The following ATP6V0A4 variants were observed in gnomAD, a reference collection of about 807,000 sequenced individuals.
ATP6V0A4 encodes the protein V-type proton ATPase 116 kDa subunit a 4.
In ATP6V0A4, 86 loss-of-function variants were observed where a neutral mutation model predicts 107.3. The observed-to-expected ratio is 0.80, with a 90% confidence interval of 0.67 to 0.96. The LOEUF (loss-of-function observed/expected upper bound fraction) is 0.96. ATP6V0A4 is among the 40% of genes least tolerant of loss of function. ATP6V0A4 has a pLI of 0.00. For missense variants in ATP6V0A4, 908 were observed against 1,045.6 expected (o/e 0.87, Z 1.81); for synonymous variants, 353 against 381.4 (o/e 0.93, Z 0.87).
At chr7:138,738,973 G>A in intron 15 of ATP6V0A4, among the ~76,000 whole-genome samples, 1 of 152,304 alleles carries the variant, frequency 6.6e-6, no homozygotes, top group Non-Finnish European at 1.5e-5. Flanking sequence ...GGCATGTGTT[G>A]TATCTCCTCA....
In ATP6V0A4 at chr7:138,706,633, G is replaced by C; in HGVS notation, c.2514C>G (p.Ala838=). 1 of 1,613,868 alleles carries C rather than the reference G, an allele frequency of 6.2e-7. No individual in the cohort carries two copies. The highest frequency in any genetic ancestry group is 8.5e-7 in the Non-Finnish European group (1 of 1,179,912). Residue 838 remains alanine (A), a synonymous_variant, in exon 22 of 22, where the codon GCC becomes GCG. Transcript: ENST00000310018. ...AGGTGCAGCCCTCAGCCTACTCCTCGGCTGTGCCATCCAGGATGTGTTTAA... is the reference window on the plus strand; with the variant it reads ...AGGTGCAGCCCTCAGCCTACTCCTCCGCTGTGCCATCCAGGATGTGTTTAA... The part of the protein sequence containing the change: ...FSFKHILDGT[A]EE
chr7:138,784,251 T>TAC (rs1350709766), intron 2 of ATP6V0A4, among the ~76,000 whole-genome samples: 16 of 30,752 alleles, frequency 5.2e-4, no homozygotes, highest in Non-Finnish European at 2.8e-4. Flanking sequence ...TATATATATA[T>TAC]ACATATATAT....
At chr7:138,764,254 G>A (rs1584936152) in intron 5 of ATP6V0A4, among the ~76,000 whole-genome samples, 1 of 151,612 alleles carries the variant, frequency 6.6e-6, no homozygotes, top group African/African-American at 2.4e-5. Context: ...GGGTGAGGAG[G>A]GGCACACAGG....
chr7:138,781,844 T>TC (rs1491566560), intron 2 of ATP6V0A4, among the ~76,000 whole-genome samples: 10 of 13,712 alleles, frequency 7.3e-4, no homozygotes, highest in South Asian at 2.2e-3. Context: ...TCTCTCTCTC[T>TC]TTTTTTTTTT....
chr7:138,718,154 G>GTGGGT (rs1804176261), intron 19 of ATP6V0A4, among the ~76,000 whole-genome samples: 1 of 91,126 alleles, frequency 1.1e-5, no homozygotes, highest in African/African-American at 3.9e-5. Context: ...AAGGAAGGGG[G>GTGGGT]GATGCAGTCA....
intron 20 of ATP6V0A4, 97 bp downstream of exon 20, chr7:138,715,667 T>C: frequency 6.7e-7 from 1 of 1,494,034 alleles, no homozygotes; most frequent in South Asian, 1.1e-5. Flanking sequence ...CATCCACAAA[T>C]AGCTCGGAGA....
At chr7:138,716,539 C>T (rs1237285911) in intron 19 of ATP6V0A4, among the ~76,000 whole-genome samples, 1 of 149,660 alleles carries the variant, frequency 6.7e-6, no homozygotes, top group Non-Finnish European at 1.5e-5. Context: ...GCTCATTCTC[C>T]CCTCATGCTC....
intron 15 of ATP6V0A4, among the ~76,000 whole-genome samples, chr7:138,736,329 T>G (rs1046783678): frequency 7.2e-5 from 11 of 152,200 alleles, no homozygotes; most frequent in Non-Finnish European, 1.5e-4. Context: ...TGTGTTTATC[T>G]CATTTAGTTC....
chr7:138,762,228 TCCATG>T (rs1174555435), intron 7 of ATP6V0A4, 107 bp downstream of exon 7: 6 of 1,360,212 alleles, frequency 4.4e-6, no homozygotes, highest in Admixed American at 3.5e-5. Context: ...AGGCTTTGCA[TCCATG>T]GGAAACAGTC....
chr7:138,759,867 C>A lies in ATP6V0A4; in HGVS notation c.524G>T (p.Gly175Val), dbSNP rs753195981. 1 of 1,614,086 alleles carries A rather than the reference C, an allele frequency of 6.2e-7. No individual in the cohort carries two copies. The highest frequency in any genetic ancestry group is 1.7e-5 in the Admixed American group (1 of 60,004). Residue 175 changes from glycine to valine, a missense_variant, in exon 8 of 22, where the codon GGT (glycine) becomes GTT (valine). Coordinates refer to ENST00000310018, the MANE Select transcript of ATP6V0A4 (RefSeq NM_020632.3). ...AGCCATCCTCTCCCTGTTGATCACA[C>A]CGGCTATGAACCTAGGCAGCCAGAA... is the stretch of plus-strand genomic sequence containing the variant. ...YMTGKLGFIAGVINRERMASF... is the reference protein window; with the variant it reads ...YMTGKLGFIAVVINRERMASF...
intron 1 of ATP6V0A4, among the ~76,000 whole-genome samples, chr7:138,795,907 G>A (rs1320427320): frequency 3.9e-5 from 6 of 152,066 alleles, no homozygotes; most frequent in South Asian, 2.1e-4. Flanking sequence ...TTCCCACCTC[G>A]GCCTCCCAAA....
intron 20 of ATP6V0A4, among the ~76,000 whole-genome samples, chr7:138,712,541 T>C (rs962004595): frequency 1.3e-5 from 2 of 152,168 alleles, no homozygotes; most frequent in African/African-American, 4.8e-5. Flanking sequence ...ATTTCTTGTA[T>C]AAGTTACTCA....
chr7:138,738,331 C>T (rs1805450913), intron 15 of ATP6V0A4, among the ~76,000 whole-genome samples: 3 of 152,094 alleles, frequency 2.0e-5, no homozygotes, highest in African/African-American at 7.2e-5. Flanking sequence ...TCCACTCTGT[C>T]TGAGGAGCAG....
intron 19 of ATP6V0A4, among the ~76,000 whole-genome samples, chr7:138,720,169 G>A (rs770279003): frequency 3.3e-5 from 5 of 152,156 alleles, no homozygotes; most frequent in Admixed American, 6.6e-5. Flanking sequence ...CCAAACTTGC[G>A]GCTGGGATCA....
At chr7:138,749,405 C>G (rs985810427) in intron 11 of ATP6V0A4, 88 bp from the exon 12 acceptor site, 5 of 1,510,478 alleles carry the variant, frequency 3.3e-6, no homozygotes. Context: ...CAGCTCCTGC[C>G]GTCCCTCACT....
intron 13 of ATP6V0A4, 145 bp from the exon 14 acceptor site, chr7:138,745,425 G>C: frequency 1.7e-6 from 2 of 1,189,864 alleles, no homozygotes; most frequent in East Asian, 2.4e-5. Flanking sequence ...CAATCATCCA[G>C]ACAGGAAGAG....
intron 1 of ATP6V0A4, among the ~76,000 whole-genome samples, chr7:138,792,049 C>T (rs1808436047): frequency 6.6e-6 from 1 of 152,186 alleles, no homozygotes; most frequent in African/African-American, 2.4e-5. Flanking sequence ...TGGCTCACGC[C>T]TGTAATCCCA....
chr7:138,768,231 T>C (rs894695171), intron 5 of ATP6V0A4, among the ~76,000 whole-genome samples: 1 of 151,982 alleles, frequency 6.6e-6, no homozygotes, highest in African/African-American at 2.4e-5. Context: ...TGCGCCCAGC[T>C]GGTATTCAGT....
intron 3 of ATP6V0A4, 36 bp from the exon 4 acceptor site, chr7:138,769,287 GC>G: frequency 6.3e-7 from 1 of 1,578,408 alleles, no homozygotes. Context: ...CATGTTAGTA[GC>G]AACAGCTGCC....
Sources: allele counts gnomAD v4.1 joint callset (sites outside exome capture counted in the v4.1 genomes callset), GRCh38; gene constraint gnomAD v4.1.1; transcripts MANE v1.5; gene names NCBI Gene and HGNC (gene_info 2026-07-23, HGNC 2026-07-21).